TRPC5: variants seen among roughly 807,000 people sequenced by gnomAD.
The protein encoded by TRPC5 is transient receptor potential cation channel subfamily C member 5, also known as short transient receptor potential channel 5.
In TRPC5, 9 loss-of-function variants were observed where a neutral mutation model predicts 56.5. That is an observed-to-expected ratio of 0.16 (90% CI 0.10 to 0.28). TRPC5 has a LOEUF of 0.28. Among genes scored for constraint, TRPC5 ranks in the 10% least tolerant of loss-of-function variants. The probability of loss-of-function intolerance (pLI) is 1.00; values close to 1 mark genes in which losing one functional copy is unlikely to be tolerated. For synonymous variants in TRPC5, 282 were observed against 278.5 expected, an observed-to-expected ratio of 1.01 and a Z score of -0.13; for missense variants, 469 against 748.9, an observed-to-expected ratio of 0.63 and a Z score of 4.36.
At chrX:111,951,891 G>A (rs1357510880) in intron 2 of TRPC5, 152 bp downstream of exon 2, 1 of 839,198 alleles carries the variant, frequency 1.2e-6, no homozygotes, top group Non-Finnish European at 1.7e-6. Flanking sequence ...GGCCACGTAG[G>A]GTAGCTCCAG....
At chrX:111,817,447 C>T (rs1921895261) in intron 7 of TRPC5, among the ~76,000 whole-genome samples, 1 of 108,558 alleles carries the variant, frequency 9.2e-6, no homozygotes, top group Non-Finnish European at 1.9e-5. Context: ...CTGCTTCGGC[C>T]TCCCAGTAGC....
intron 1 of TRPC5, among the ~76,000 whole-genome samples, chrX:111,973,729 T>A (rs1927843982): frequency 8.9e-6 from 1 of 112,202 alleles, no homozygotes; most frequent in Non-Finnish European, 1.9e-5. Context: ...TTAAATTATT[T>A]CAACTTACAA....
intron 2 of TRPC5, among the ~76,000 whole-genome samples, chrX:111,943,383 C>A (rs972202152): frequency 8.9e-6 from 1 of 111,790 alleles, no homozygotes; most frequent in African/African-American, 3.3e-5. Flanking sequence ...TCGCTGTCCC[C>A]CTCCACACTG....
intron 7 of TRPC5, among the ~76,000 whole-genome samples, chrX:111,819,625 A>T (rs139844057): frequency 0.025 from 2,799 of 111,754 alleles, 84 homozygotes; most frequent in African/African-American, 0.086. Context: ...ATCACTTGGG[A>T]CATGGGAAAA....
chrX:112,024,977 A>G (rs1044341898), intron 1 of TRPC5, among the ~76,000 whole-genome samples: 3 of 112,399 alleles, frequency 2.7e-5, no homozygotes, highest in Non-Finnish European at 5.6e-5. Flanking sequence ...ACTAGTATGC[A>G]ATAATATCAA....
In TRPC5 at chrX:111,912,371, C is replaced by T. The variant is rs772678097; in HGVS notation, c.820G>A (p.Asp274Asn). The T allele has an allele frequency of 5.0e-6, 6 of 1,211,327 alleles. No individual in the cohort carries two copies. In the South Asian group the frequency reaches 1.1e-4, roughly 21 times the overall value. ...ELEIILNHRD[D>N]HSEELDPQKY... ...TGAGGGTCAAGCTCTTCACTGTGGT[C>T]ATCTCGATGGTTGAGGATGATCTCC... is the stretch of plus-strand genomic sequence containing the variant. Residue 274 changes from aspartate to asparagine, a missense_variant, in exon 3 of 11, where the codon GAC (aspartate) becomes AAC (asparagine). Transcript: ENST00000262839.
At chrX:111,970,864 G>A (rs367784837) in intron 1 of TRPC5, among the ~76,000 whole-genome samples, 1 of 106,332 alleles carries the variant, frequency 9.4e-6, no homozygotes, top group East Asian at 2.9e-4. Context: ...CCGCCTCCTG[G>A]GTTCACACCA....
intron 9 of TRPC5, among the ~76,000 whole-genome samples, 193 bp downstream of exon 9, chrX:111,780,972 G>A (rs1945915322): frequency 1.8e-5 from 2 of 111,314 alleles, no homozygotes; most frequent in Non-Finnish European, 3.8e-5. Flanking sequence ...GTGCATAAGG[G>A]CCATGAACAG....
intron 1 of TRPC5, among the ~76,000 whole-genome samples, chrX:111,976,333 G>A (rs1011989704): frequency 9.0e-6 from 1 of 110,927 alleles, no homozygotes; most frequent in Non-Finnish European, 1.9e-5. Flanking sequence ...TAACATGGGA[G>A]AATCACTTCA....
At chrX:111,801,759 G>C (rs964955496) in intron 7 of TRPC5, among the ~76,000 whole-genome samples, 1 of 112,192 alleles carries the variant, frequency 8.9e-6, no homozygotes, top group Non-Finnish European at 1.9e-5. Context: ...TTATTGAGAC[G>C]TAAACATTGT....
intron 1 of TRPC5, among the ~76,000 whole-genome samples, chrX:112,008,440 GA>G (rs969266084): frequency 7.8e-4 from 84 of 107,114 alleles, no homozygotes; most frequent in Non-Finnish European, 1.2e-3. Flanking sequence ...AAATACAAAA[GA>G]AAAAAAAAAT....
chrX:111,901,326 C>T (rs1925334239), intron 3 of TRPC5, among the ~76,000 whole-genome samples: 1 of 111,256 alleles, frequency 9.0e-6, no homozygotes, highest in Non-Finnish European at 1.9e-5. Context: ...ACTTTTCTCC[C>T]AAATCTCTTA....
In TRPC5 at chrX:112,082,617, C is replaced by T. The variant is rs1415936416; in HGVS notation, c.-760G>A. 9.1e-6 allele frequency: 1 copy of T among 110,253 alleles called. No homozygotes were observed. The highest frequency in any genetic ancestry group is 1.9e-5 in the Non-Finnish European group (1 of 52,755). The allele number at this position is 110,253 out of a possible 1,213,427, so 9.1% of individuals were successfully genotyped here. ...GGGAGGGGAAAATCAAGGAGGCACG[C>T]TCCCTTTATCCTCCCCACCCCTGTC... is the stretch of plus-strand genomic sequence containing the variant. On this transcript the variant is annotated 5_prime_UTR_variant, in exon 1 of 11. Transcript: ENST00000262839.
At chrX:111,965,099 A>C (rs1354931481) in intron 1 of TRPC5, among the ~76,000 whole-genome samples, 4 of 111,033 alleles carry the variant, frequency 3.6e-5, no homozygotes, top group Non-Finnish European at 7.5e-5. Context: ...GCAGAGACAC[A>C]CATAGGCTCA....
intron 1 of TRPC5, among the ~76,000 whole-genome samples, chrX:112,048,046 C>A (rs941043385): frequency 1.8e-5 from 2 of 111,884 alleles, no homozygotes; most frequent in Non-Finnish European, 3.8e-5. Context: ...AACCTCAATT[C>A]TTCAGTGAAT....
At chrX:111,905,777 T>C (rs1426427726) in intron 3 of TRPC5, among the ~76,000 whole-genome samples, 2 of 108,511 alleles carry the variant, frequency 1.8e-5, no homozygotes, top group East Asian at 2.9e-4. Flanking sequence ...TAGCTGGGCG[T>C]GGTGGCGGGC....
In TRPC5 at chrX:111,854,143, G is replaced by A. The variant is rs1269715622; in HGVS notation, c.901-37C>T. On this transcript the variant is annotated intron_variant, in intron 3 of 10. Transcript: ENST00000262839. ...AGAAAACAAGTTAGGCATCTGGAAT[G>A]TCCAGGAGAAAGTCTACTGTCATAA... 2.6e-6 allele frequency: 3 copies of A among 1,153,209 alleles called. No homozygotes were observed. In the East Asian group the frequency reaches 9.5e-5, roughly 37 times the overall value.
At chrX:111,911,689 C>T (rs1925821877) in intron 3 of TRPC5, among the ~76,000 whole-genome samples, 1 of 112,279 alleles carries the variant, frequency 8.9e-6, no homozygotes, top group South Asian at 3.7e-4. Context: ...GGAGGTCATA[C>T]CATAGCAGAT....
chrX:111,833,980 A>G (rs1422428131), intron 7 of TRPC5, among the ~76,000 whole-genome samples: 1 of 111,568 alleles, frequency 9.0e-6, no homozygotes, highest in Non-Finnish European at 1.9e-5. Flanking sequence ...GCATTATAGT[A>G]AGAACTACAC....
Sources: allele counts gnomAD v4.1 joint callset (sites outside exome capture counted in the v4.1 genomes callset), GRCh38; gene constraint gnomAD v4.1.1; transcripts MANE v1.5; gene names NCBI Gene and HGNC (gene_info 2026-07-23, HGNC 2026-07-21).